The following VPS13C variants were observed in gnomAD, a reference collection of about 807,000 sequenced individuals.
The protein encoded by VPS13C is vacuolar protein sorting 13 homolog C.
Under a neutral mutation model 456.8 loss-of-function variants are expected in VPS13C, and 358 were observed. The ratio of observed to expected loss-of-function variants is 0.78; its 90% confidence interval spans 0.72 to 0.86. VPS13C has a LOEUF of 0.86. Ranked by LOEUF, VPS13C falls within the 40% of genes least tolerant of loss-of-function variation. The pLI is 0.00. For synonymous variants in VPS13C, 1,578 were observed against 1,486.7 expected (o/e 1.06, Z -1.41); for missense variants, 4,818 against 4,385.4 (o/e 1.10, Z -2.79).
rs557647780 is a variant in VPS13C, at chr15:61,854,469, T to G, written c.11250A>C (p.Gln3750His). ...CTGAGGTCTGTGATTAAGATGGCAA[T>G]TGGGGTCTGAGAAGTCTCACTGATG... The part of the protein sequence containing the change: ...KQSSVRLLRP[Q>H]LPS Residue 3750 changes from glutamine (Q) to histidine (H), a missense_variant, in exon 85 of 85, where the codon CAA becomes CAC. By Grantham distance (24) the Gln-to-His change is conservative. This residue lies in a region of VPS13C where 261 missense variants were observed against 234.1 expected (regional missense o/e 1.11). Coordinates refer to ENST00000644861, the MANE Select transcript of VPS13C (RefSeq NM_020821.3). 2 of 1,614,028 alleles carry G rather than the reference T, an allele frequency of 1.2e-6. No homozygotes were observed. The highest frequency in any genetic ancestry group is 1.7e-6 in the Non-Finnish European group (2 of 1,179,996).
intron 32 of VPS13C, 56 bp downstream of exon 32, chr15:61,963,778 CA>C: frequency 7.7e-7 from 1 of 1,298,742 alleles, no homozygotes; most frequent in South Asian, 1.2e-5. Context: ...TGCAAAGAGA[CA>C]AAAAGAAGGA....
At chr15:61,984,198 CTTG>C (rs1182620832) in intron 19 of VPS13C, among the ~76,000 whole-genome samples, 186 bp from the exon 20 acceptor site, 2 of 152,246 alleles carry the variant, frequency 1.3e-5, no homozygotes, top group Admixed American at 6.5e-5. Flanking sequence ...GTTTGCTGCT[CTTG>C]TTGTTTTAAT....
intron 61 of VPS13C, among the ~76,000 whole-genome samples, chr15:61,914,392 A>C (rs1470674485): frequency 6.6e-6 from 1 of 151,896 alleles, no homozygotes; most frequent in Admixed American, 6.5e-5. Context: ...AACATGGTGA[A>C]ATCCCATCTC....
chr15:61,907,079 T>C (rs528453833), intron 66 of VPS13C, 185 bp downstream of exon 66: 3 of 661,062 alleles, frequency 4.5e-6, no homozygotes, highest in East Asian at 3.0e-5. Context: ...ATTACTTTGA[T>C]AGAGCTAAGG....
intron 16 of VPS13C, among the ~76,000 whole-genome samples, chr15:61,998,741 G>A (rs2046481686): frequency 6.6e-6 from 1 of 152,234 alleles, no homozygotes; most frequent in African/African-American, 2.4e-5. Flanking sequence ...CAAGTGTAGA[G>A]ATGACCCTTG....
At chr15:61,959,204 T>C (rs1407881486) in intron 36 of VPS13C, among the ~76,000 whole-genome samples, 1 of 152,124 alleles carries the variant, frequency 6.6e-6, no homozygotes, top group African/African-American at 2.4e-5. Context: ...TAGTATAATA[T>C]GCTAATACAT....
intron 12 of VPS13C, among the ~76,000 whole-genome samples, chr15:62,011,348 T>C (rs1437362139): frequency 6.6e-6 from 1 of 152,088 alleles, no homozygotes; most frequent in Admixed American, 6.6e-5. Context: ...AACTATTTAT[T>C]ACCATTAATG....
intron 51 of VPS13C, among the ~76,000 whole-genome samples, chr15:61,927,793 C>T (rs2043909204): frequency 6.6e-6 from 1 of 152,142 alleles, no homozygotes; most frequent in Non-Finnish European, 1.5e-5. Context: ...TGGAACCAAC[C>T]CAAATGTCCA....
intron 1 of VPS13C, among the ~76,000 whole-genome samples, chr15:62,057,018 G>A (rs928672491): frequency 6.6e-6 from 1 of 152,064 alleles, no homozygotes; most frequent in Non-Finnish European, 1.5e-5. Flanking sequence ...CGGTCTCCGC[G>A]CATTGGTGGT....
chr15:61,934,231 A>C lies in VPS13C; in HGVS notation c.5856T>G (p.Asn1952Lys). 6.3e-7 allele frequency: 1 copy of C among 1,578,896 alleles called. No individual in the cohort carries two copies. The change falls in exon 49 of 85, where the codon AAT becomes AAG. Residue 1952 changes from asparagine to lysine, a missense_variant. Around this residue, in one of 3 missense-constraint regions of VPS13C, gnomAD observed 4,552 missense variants for 4,130.6 expected, o/e 1.10. Coordinates refer to ENST00000644861, the MANE Select transcript of VPS13C (RefSeq NM_020821.3). Reference sequence around the variant, plus strand: ...ATGTATTACATACCTGGTTGATATCATTGTTATAAAGGATAATGGAAAGAG... The same window carrying C: ...ATGTATTACATACCTGGTTGATATCCTTGTTATAAAGGATAATGGAAAGAG... The part of the protein sequence containing the change: ...FESLSIILYN[N>K]DINQESGVAF...
chr15:61,934,281 G>A lies in VPS13C; in HGVS notation c.5806C>T (p.Leu1936Phe). The A allele has an allele frequency of 1.3e-6, 2 of 1,597,826 alleles. No individual in the cohort carries two copies. Among genetic ancestry groups the A allele is most frequent in the Non-Finnish European group, 1.7e-6 (2 of 1,171,034 alleles). ...SKLSMNQIVS[L>F]QFDFHFESLS... ...GATTCAAAGTGAAAGTCAAATTGGA[G>A]ACTGACAATCTGGTTCATAGAGAGC... Residue 1936 changes from leucine (L) to phenylalanine (F), a missense_variant, in exon 49 of 85, where the codon CTC (leucine) becomes TTC (phenylalanine). Physicochemically the swap from Leu to Phe is conservative, Grantham distance 22. Coordinates refer to ENST00000644861, the MANE Select transcript of VPS13C (RefSeq NM_020821.3).
In VPS13C at chr15:61,920,200, A is replaced by T; in HGVS notation, c.7344T>A (p.Pro2448=). ...CAACATCAAAAATATCACTTTTCTC[A>T]GGGAAGCCCATTACTCTGAGATTAC... ...PNCNLRVMGF[P]EKSDIFDVDA... is the part of the protein sequence containing the mutation. Residue 2448 remains proline (P), a synonymous_variant, in exon 57 of 85, where the codon CCT becomes CCA. Transcript: ENST00000644861. 1 of 1,613,692 alleles carries T rather than the reference A, an allele frequency of 6.2e-7. No individual in the cohort carries two copies. The highest frequency in any genetic ancestry group is 8.5e-7 in the Non-Finnish European group (1 of 1,179,674).
chr15:61,977,950 CAT>C (rs2045755783), intron 23 of VPS13C, among the ~76,000 whole-genome samples: 1 of 151,980 alleles, frequency 6.6e-6, no homozygotes, highest in African/African-American at 2.4e-5. Flanking sequence ...AAACTCTGCA[CAT>C]AGAGACTATA....
chr15:61,913,979 A>T (rs1245062818), intron 61 of VPS13C, among the ~76,000 whole-genome samples: 1 of 152,204 alleles, frequency 6.6e-6, no homozygotes, highest in Non-Finnish European at 1.5e-5. Flanking sequence ...AAAATGCTAT[A>T]GAGGTGAGAG....
chr15:61,866,691 A>G (rs1009392711), intron 81 of VPS13C: 1 of 985,114 alleles, frequency 1.0e-6, no homozygotes, highest in Non-Finnish European at 1.2e-6. Flanking sequence ...ATGTTTTGTT[A>G]TACTTGGTCC....
rs201885647 is a variant in VPS13C, at chr15:61,854,947, C to T, written c.11084G>A (p.Gly3695Asp). ...NVLKISVKEQ[G>D]LFHKKDSANQ... ...GGCACTGTCTTTTTTGTGGAACAGA[C>T]CCTGTTCCTGTTTCAAAAGAAACAA... Residue 3695 changes from glycine (G) to aspartate (D), a missense_variant, in exon 84 of 85, where the codon GGT becomes GAT. Coordinates refer to ENST00000644861, the MANE Select transcript of VPS13C (RefSeq NM_020821.3). 4.3e-5 allele frequency: 69 copies of T among 1,592,726 alleles called. No individual in the cohort carries two copies. The East Asian group carries it at 1.5e-3, about 34-fold the overall frequency.
chr15:61,936,765 T>A lies in VPS13C; in HGVS notation c.5602-15A>T. On this transcript the variant is annotated splice_polypyrimidine_tract_variant and intron_variant, in intron 47 of 84. Coordinates refer to ENST00000644861, the MANE Select transcript of VPS13C (RefSeq NM_020821.3). ...CTGAGAGCAACCTAGAAACCACCAA[T>A]AATTTGTTAACTCTAAGTAATAAAA... 1 of 1,590,552 alleles carries A rather than the reference T, an allele frequency of 6.3e-7. No homozygotes were observed. The highest frequency in any genetic ancestry group is 8.5e-7 in the Non-Finnish European group (1 of 1,172,440).
rs1477087336 is a variant in VPS13C, at chr15:61,962,771, T to G, written c.3413A>C (p.Asp1138Ala). The change falls in exon 33 of 85, where the codon GAT becomes GCT. Residue 1138 changes from aspartate (D) to alanine (A), a missense_variant. Coordinates refer to ENST00000644861, the MANE Select transcript of VPS13C (RefSeq NM_020821.3). ...TACTTTCTTATGAACTGTCTTTGGA[T>G]CAACATCTGTGACAATAATATTTTC... ...RLENIIVTDV[D>A]PKTVHKKAVS... 6.2e-7 allele frequency: 1 copy of G among 1,605,288 alleles called. No homozygotes were observed. The highest frequency in any genetic ancestry group is 2.2e-5 in the East Asian group (1 of 44,658).
At chr15:61,904,956 T>C (rs1012046542) in intron 66 of VPS13C, among the ~76,000 whole-genome samples, 3 of 151,114 alleles carry the variant, frequency 2.0e-5, no homozygotes, top group Admixed American at 2.0e-4. Flanking sequence ...TTATAGAGAG[T>C]TGATGTTGGT....
Sources: gnomAD v4.1 joint callset for allele counts (sites outside exome capture counted in the v4.1 genomes callset) on GRCh38, gnomAD v4.1.1 for gene constraint, gnomAD v4.1.1 regional missense constraint, MANE v1.5 for transcripts, NCBI Gene and HGNC (gene_info 2026-07-23, HGNC 2026-07-21) for gene names.